Variants in NAIP observed in about 807,000 individuals in gnomAD.
The protein encoded by NAIP is NLR family apoptosis inhibitory protein.
In NAIP, 15 loss-of-function variants were observed where a neutral mutation model predicts 23.0. That is an observed-to-expected ratio of 0.65 (90% confidence interval 0.44 to 1.00). NAIP has a LOEUF of 1.00. Among genes scored for constraint, NAIP ranks in the 50% least tolerant of loss-of-function variants. The probability of loss-of-function intolerance (pLI) is 0.00; values close to 1 mark genes in which losing one functional copy is unlikely to be tolerated. For missense variants in NAIP, 265 were observed against 278.8 expected (o/e 0.95, Z 0.35); for synonymous variants, 100 against 100.2 (o/e 1.00, Z 0.01).
chr5:71,016,079 G>C (rs1392374252), intron 3 of NAIP, among the ~76,000 whole-genome samples: 2 of 148,970 alleles, frequency 1.3e-5, no homozygotes, highest in Non-Finnish European at 3.0e-5. Context: ...CAGGAGTTGA[G>C]ATCAGCCTGG....
chr5:71,017,466 G>C (rs1751495306), intron 3 of NAIP, among the ~76,000 whole-genome samples: 1 of 121,710 alleles, frequency 8.2e-6, no homozygotes, highest in African/African-American at 2.7e-5. Context: ...ACTGGGCACA[G>C]TGGCTCACAC....
intron 9 of NAIP, among the ~76,000 whole-genome samples, chr5:70,996,917 TAGTC>T (rs1336180528): frequency 2.7e-4 from 19 of 70,138 alleles, no homozygotes; most frequent in African/African-American, 5.4e-4. Context: ...TTAGAGGAAA[TAGTC>T]AGAACAAATA....
intron 4 of NAIP, 47 bp from the exon 5 acceptor site, chr5:71,011,421 G>C: frequency 7.0e-7 from 1 of 1,421,292 alleles, no homozygotes; most frequent in Non-Finnish European, 9.9e-7. Flanking sequence ...TGGCACCAGG[G>C]GGTATGTACA....
intron 5 of NAIP, among the ~76,000 whole-genome samples, chr5:71,010,435 A>AT (rs1751096161): frequency 1.3e-5 from 2 of 151,542 alleles, no homozygotes; most frequent in Admixed American, 6.6e-5. Flanking sequence ...TTCCCGGCTA[A>AT]TTTTTTGTAT....
intron 13 of NAIP, among the ~76,000 whole-genome samples, chr5:70,977,703 A>AAAGAAACAG (rs1325226945): frequency 6.8e-6 from 1 of 147,676 alleles, no homozygotes; most frequent in Non-Finnish European, 1.5e-5. Flanking sequence ...AATACTATAC[A>AAAGAAACAG]AAGAAACAGC....
At position 71,011,473 on chromosome 5, in the gene NAIP, G is replaced by A. The variant is rs545179858; in HGVS notation, c.569-99C>T. On this transcript the variant is annotated intron_variant, in intron 4 of 16. Transcript: ENST00000517649. ...GTTCAGGAGCAAGACAAGCTCCAGCGTGGCTGTGCACTCCCGATCTCATTG... is the reference window on the plus strand; with the variant it reads ...GTTCAGGAGCAAGACAAGCTCCAGCATGGCTGTGCACTCCCGATCTCATTG... 2.0e-4 allele frequency: 204 copies of A among 1,003,592 alleles called. 2 individuals are homozygous for A. Among genetic ancestry groups the A allele is most frequent in the South Asian group, 3.9e-4 (26 of 67,052 alleles). The allele number at this position is 1,003,592 out of a possible 1,614,324, so 62.2% of individuals were successfully genotyped here.
At chr5:71,012,292 A>C (rs1275525266) in intron 4 of NAIP, 56 bp downstream of exon 4, 3 of 1,474,120 alleles carry the variant, frequency 2.0e-6, no homozygotes, top group African/African-American at 2.8e-5. Flanking sequence ...CAATTGAAAA[A>C]TAAAACCTAA....
chr5:71,012,789 G>C lies in NAIP; in HGVS notation c.127C>G (p.Gln43Glu), dbSNP rs748556097. 1.2e-6 allele frequency: 2 copies of C among 1,611,968 alleles called. No individual in the cohort carries two copies. The highest frequency in any genetic ancestry group is 2.2e-5 in the East Asian group (1 of 44,852). The stretch of plus-strand genomic sequence containing the variant: ...TTCTGCATTTTTGCTCGCTCCTTCT[G>C]CTCCTCTTCTTCTAGTTCCTTTGCC... ...QLAKELEEEE[Q>E]KERAKMQKGY... The change falls in exon 4 of 17, where the codon CAG becomes GAG. Residue 43 changes from glutamine to glutamate, a missense_variant. Transcript: ENST00000517649.
intron 3 of NAIP, among the ~76,000 whole-genome samples, chr5:71,017,542 G>T (rs1485439492): frequency 9.2e-6 from 1 of 108,152 alleles, no homozygotes; most frequent in Admixed American, 9.4e-5. Flanking sequence ...TTTGAAACCA[G>T]CCTGGGCAAC....
chr5:71,012,234 T>C, intron 4 of NAIP, 114 bp downstream of exon 4: 2 of 897,358 alleles, frequency 2.2e-6, no homozygotes, highest in Non-Finnish European at 3.4e-6. Flanking sequence ...TTATACCTAA[T>C]ATAACACATT....
intron 3 of NAIP, among the ~76,000 whole-genome samples, chr5:71,014,340 C>T (rs1391253420): frequency 6.6e-6 from 1 of 151,240 alleles, no homozygotes; most frequent in Non-Finnish European, 1.5e-5. Flanking sequence ...TCAAGTGATC[C>T]GCCTGCCTTG....
At position 70,972,906 on chromosome 5, in the gene NAIP, GTTT is replaced by G. The variant is rs140660294; in HGVS notation, c.3847+1220_3847+1222del. On this transcript the variant is annotated intron_variant, in intron 16 of 16. Coordinates refer to ENST00000517649, the MANE Select transcript of NAIP (RefSeq NM_004536.3). ...AAGTTGTCATTGTTTTTTGTTTTTT[GTTT>G]TTTTTTTTTGAGACGGAGTCTCGTT... Among the ~76,000 whole-genome samples, 19 of 44,402 alleles carry G rather than the reference GTTT, an allele frequency of 4.3e-4. 6 individuals are homozygous for G. The highest frequency in any genetic ancestry group is 4.1e-4 in the Non-Finnish European group (11 of 26,508). The allele number at this position is 44,402 out of a possible 152,430, so 29.1% of individuals were successfully genotyped here.
chr5:71,011,882 C>T (rs552998834), intron 4 of NAIP: 9 of 265,166 alleles, frequency 3.4e-5, no homozygotes, highest in South Asian at 1.9e-4. Context: ...AGTAAATGAT[C>T]GTTGTTATTG....
intron 5 of NAIP, among the ~76,000 whole-genome samples, chr5:71,010,049 A>C (rs1751073428): frequency 6.6e-6 from 1 of 151,632 alleles, no homozygotes; most frequent in Non-Finnish European, 1.5e-5. Flanking sequence ...ATAATGTTTA[A>C]ATATTTTTTA....
chr5:71,009,585 G>T (rs1751049764), intron 5 of NAIP, among the ~76,000 whole-genome samples: 1 of 151,206 alleles, frequency 6.6e-6, no homozygotes, highest in African/African-American at 2.4e-5. Flanking sequence ...CAGTTACTCG[G>T]AGGCTGAGGC....
chr5:71,012,156 C>G (rs1338019426), intron 4 of NAIP, among the ~76,000 whole-genome samples, 192 bp downstream of exon 4: 2 of 151,510 alleles, frequency 1.3e-5, no homozygotes, highest in African/African-American at 4.8e-5. Flanking sequence ...CAAATTAACA[C>G]AGGCTGTACT....
rs768390899 is a variant in NAIP at position 71,012,182 on chromosome 5, CA to C, written c.568+165del. Among the ~76,000 whole-genome samples the C allele has an allele frequency of 5.2e-4, 79 of 151,432 alleles. 1 individual carries two copies. Among genetic ancestry groups the C allele is most frequent in the Non-Finnish European group, 9.0e-4 (61 of 67,792 alleles). On this transcript the variant is annotated intron_variant, in intron 4 of 16. Transcript: ENST00000517649. ...AGGCTGTACTAAATAGAAAATGAAG[CA>C]AAAATAAAAATATTGATGTTGAATT...
Position 71,013,276 on chromosome 5 carries a change from G to A in NAIP, c.-3-358C>T, listed in dbSNP as rs144968123. ...AGAAAAACATAGACAAAATTGTATA[G>A]CCTGGCAGCAACAATTTGATCGAAT... On this transcript the variant is annotated intron_variant, in intron 3 of 16. Coordinates refer to ENST00000517649, the MANE Select transcript of NAIP (RefSeq NM_004536.3). Among the ~76,000 whole-genome samples, 249 of 151,188 alleles carry A rather than the reference G, an allele frequency of 1.6e-3. 7 individuals are homozygous for A. Among genetic ancestry groups the A allele is most frequent in the Admixed American group, 2.5e-3 (38 of 15,154 alleles).
intron 5 of NAIP, among the ~76,000 whole-genome samples, chr5:71,010,852 G>C (rs1449191536): frequency 6.6e-6 from 1 of 151,290 alleles, no homozygotes; most frequent in African/African-American, 2.4e-5. Context: ...ATCCTGGAGT[G>C]GTCCAATTTT....
Sources: gnomAD v4.1 joint callset for allele counts (sites outside exome capture counted in the v4.1 genomes callset) on GRCh38, gnomAD v4.1.1 for gene constraint, MANE v1.5 for transcripts, NCBI Gene and HGNC (gene_info 2026-07-23, HGNC 2026-07-21) for gene names.